Variants in JADE2 observed in about 807,000 individuals in gnomAD.
JADE2 encodes the protein jade family PHD finger 2.
In JADE2, 13 loss-of-function variants were observed where a neutral mutation model predicts 85.7. The ratio of observed to expected loss-of-function variants is 0.15; its 90% confidence interval spans 0.10 to 0.24. The LOEUF is 0.24. JADE2 is among the 10% of genes least tolerant of loss of function. JADE2 has a pLI of 1.00. For synonymous variants in JADE2, 440 were observed against 456.1 expected (o/e 0.96, Z 0.45); for missense variants, 846 against 1,115.9 (o/e 0.76, Z 3.45).
intron 3 of JADE2, among the ~76,000 whole-genome samples, chr5:134,541,177 C>T (rs1404351777): frequency 6.6e-6 from 1 of 152,240 alleles, no homozygotes; most frequent in East Asian, 1.9e-4. Context: ...CCGCCCAGAA[C>T]CCTTGAACTG....
intron 4 of JADE2, 103 bp downstream of exon 4, chr5:134,552,312 C>CTG: frequency 9.8e-7 from 1 of 1,019,408 alleles, no homozygotes; most frequent in African/African-American, 1.6e-5. Flanking sequence ...CCTTTCTAGT[C>CTG]CATCTCTATT....
Position 134,581,597 on chromosome 5 carries a change from C to T in JADE2, c.*2280C>T. On this transcript the variant is annotated 3_prime_UTR_variant, in exon 12 of 12. Transcript: ENST00000681547. The stretch of plus-strand genomic sequence containing the variant: ...GGGAGAGGGTGCAACGAGTCTGGCC[C>T]CTTGCCTCGGGCTGGCTGGTGTTCT... The T allele has an allele frequency of 6.5e-6, 1 of 152,922 alleles. No homozygotes were observed. Among genetic ancestry groups the T allele is most frequent in the Non-Finnish European group, 1.5e-5 (1 of 68,538 alleles). The allele number at this position is 152,922 out of a possible 1,614,324, so 9.5% of individuals were successfully genotyped here. A position where few individuals can be genotyped will look rare whatever the true frequency, so the allele number is the denominator to read the frequency against.
chr5:134,532,832 T>C (rs1052485206), intron 1 of JADE2, among the ~76,000 whole-genome samples: 4 of 152,186 alleles, frequency 2.6e-5, no homozygotes, highest in African/African-American at 9.7e-5. Context: ...CATTAGCCAC[T>C]GTGACAGTGG....
chr5:134,549,728 T>C lies in JADE2; in HGVS notation c.154-2324T>C, dbSNP rs115567774. Among the ~76,000 whole-genome samples, 460 of 152,296 alleles carry C rather than the reference T, an allele frequency of 3.0e-3. 2 individuals carry two copies. The highest frequency in any genetic ancestry group is 0.011 in the African/African-American group (448 of 41,564). On this transcript the variant is annotated intron_variant, in intron 3 of 11. Coordinates refer to ENST00000681547, the MANE Select transcript of JADE2 (RefSeq NM_001388185.1). The stretch of plus-strand genomic sequence containing the variant: ...GGTTTCTAACCCACCTATGCCTCTT[T>C]AGAGGGCACATAGTGACACTGGGCT...
At chr5:134,576,671 G>C in intron 10 of JADE2, 97 bp from the exon 11 acceptor site, 1 of 1,429,062 alleles carries the variant, frequency 7.0e-7, no homozygotes, top group Non-Finnish European at 9.5e-7. Context: ...AGCACTGGCT[G>C]ATGGAGGACT....
In JADE2 at chr5:134,579,164, G is replaced by A. The variant is rs759699654; in HGVS notation, c.2352G>A (p.Lys784=). The change falls in exon 12 of 12, where the codon AAG becomes AAA. Residue 784 remains lysine (K), a synonymous_variant. Coordinates refer to ENST00000681547, the MANE Select transcript of JADE2 (RefSeq NM_001388185.1). The surrounding 1 kb of genome is among the most constrained non-coding windows in gnomAD (Gnocchi z 4.6). ...GPPSAVAERP[K]VSLHFDTETD... The stretch of plus-strand genomic sequence containing the variant: ...CTTCAGCTGTGGCTGAGAGGCCCAA[G>A]GTCAGCCTGCATTTTGACACTGAGA... 3 of 1,614,258 alleles carry A rather than the reference G, an allele frequency of 1.9e-6. No individual in the cohort carries two copies. Among genetic ancestry groups the A allele is most frequent in the Admixed American group, 3.3e-5 (2 of 60,036 alleles).
At chr5:134,527,167 C>T (rs1760899259) in intron 1 of JADE2, among the ~76,000 whole-genome samples, 5 of 152,022 alleles carry the variant, frequency 3.3e-5, no homozygotes, top group Non-Finnish European at 7.4e-5. Context: ...GGCCCCGCCC[C>T]GCCCCCGGCA....
chr5:134,572,026 G>A (rs186412206), intron 9 of JADE2, among the ~76,000 whole-genome samples: 1 of 152,376 alleles, frequency 6.6e-6, no homozygotes, highest in African/African-American at 2.4e-5. Context: ...GGGCCCCAGC[G>A]GCGTTGCTCA....
intron 9 of JADE2, among the ~76,000 whole-genome samples, chr5:134,570,711 GT>G: frequency 6.6e-6 from 1 of 152,178 alleles, no homozygotes; most frequent in South Asian, 2.1e-4. Flanking sequence ...CTCTGACCAG[GT>G]CCCCCCTGAG....
rs780644903 is a variant in JADE2 at position 134,566,252 on chromosome 5, C to A, written c.1106C>A (p.Pro369Gln). 1.9e-6 allele frequency: 3 copies of A among 1,614,036 alleles called. No homozygotes were observed. Among genetic ancestry groups the A allele is most frequent in the Non-Finnish European group, 8.5e-7 (1 of 1,180,048 alleles). The change falls in exon 9 of 12, where the codon CCA becomes CAA. Residue 369 changes from proline (P) to glutamine (Q), a missense_variant. Coordinates refer to ENST00000681547, the MANE Select transcript of JADE2 (RefSeq NM_001388185.1). The surrounding 1 kb of genome is among the most constrained non-coding windows in gnomAD (Gnocchi z 6.7). ...SFCQEHSDGGPRNEPTSEPTE... is the reference protein window; with the variant it reads ...SFCQEHSDGGQRNEPTSEPTE... ...TGCCAGGAGCACAGTGACGGGGGCCCACGTAATGAGCCCACATCTGAGCCC... is the reference window on the plus strand; with the variant it reads ...TGCCAGGAGCACAGTGACGGGGGCCAACGTAATGAGCCCACATCTGAGCCC...
At chr5:134,530,676 C>T (rs1282926973) in intron 1 of JADE2, among the ~76,000 whole-genome samples, 1 of 152,254 alleles carries the variant, frequency 6.6e-6, no homozygotes, top group Non-Finnish European at 1.5e-5. Flanking sequence ...AGGCCAACCA[C>T]TAGTGCTGCC....
chr5:134,540,674 G>A (rs1406183544), intron 3 of JADE2, among the ~76,000 whole-genome samples: 4 of 152,188 alleles, frequency 2.6e-5, no homozygotes, highest in Non-Finnish European at 5.9e-5. Context: ...CCTGTCTTTC[G>A]AGAATCCCAC....
chr5:134,543,883 G>A (rs1762131036), intron 3 of JADE2, among the ~76,000 whole-genome samples: 1 of 152,188 alleles, frequency 6.6e-6, no homozygotes, highest in Admixed American at 6.5e-5. Flanking sequence ...CAACGTCAGG[G>A]AGTGTGGGTG....
Position 134,566,967 on chromosome 5 carries a change from C to T in JADE2, c.1434+387C>T, listed in dbSNP as rs937098831. ...CGCCTGGTCCTAACACATGAGCTTG[C>T]ATTGAGAATCTGAGGCAGAGGAGGA... On this transcript the variant is annotated intron_variant, in intron 9 of 11. Coordinates refer to ENST00000681547, the MANE Select transcript of JADE2 (RefSeq NM_001388185.1). This position sits in a 1 kb window ranked among gnomAD's most constrained non-coding sequence, Gnocchi z 6.7. 1.3e-5 allele frequency among the ~76,000 whole-genome samples: 2 copies of T among 152,212 alleles called. No homozygotes were observed. Among genetic ancestry groups the T allele is most frequent in the African/African-American group, 4.8e-5 (2 of 41,454 alleles).
intron 1 of JADE2, among the ~76,000 whole-genome samples, chr5:134,531,486 G>A (rs945091391): frequency 3.3e-5 from 5 of 151,890 alleles, no homozygotes; most frequent in Admixed American, 6.6e-5. Context: ...TGTGTTGCCC[G>A]GGCTTGCCTT....
At position 134,562,488 on chromosome 5, in the gene JADE2, A is replaced by C; in HGVS notation, c.852+121A>C. 9.5e-7 allele frequency: 1 copy of C among 1,050,862 alleles called. No homozygotes were observed. Among genetic ancestry groups the C allele is most frequent in the Non-Finnish European group, 1.4e-6 (1 of 736,404 alleles). 65.1% of individuals were successfully genotyped at this position (1,050,862 alleles called of 1,614,324 possible). On this transcript the variant is annotated intron_variant, in intron 7 of 11. Transcript: ENST00000681547. This position sits in a 1 kb window ranked among gnomAD's most constrained non-coding sequence, Gnocchi z 4.6. ...GATGGACTCGCACTAAAACACTGAG[A>C]TCGGCCGGGCGCGGTGGCTCACGCC...
chr5:134,563,402 G>A (rs976868539), intron 7 of JADE2, among the ~76,000 whole-genome samples: 1 of 152,210 alleles, frequency 6.6e-6, no homozygotes, highest in Admixed American at 6.5e-5. Context: ...AGGATGGTGG[G>A]GTGGGTGTGT....
chr5:134,549,413 C>T (rs1203042896), intron 3 of JADE2, among the ~76,000 whole-genome samples: 1 of 152,196 alleles, frequency 6.6e-6, no homozygotes, highest in African/African-American at 2.4e-5. Flanking sequence ...GTGATCCCAG[C>T]ACTTTGGGAG....
At chr5:134,557,203 TATG>T (rs61168581) in intron 4 of JADE2, among the ~76,000 whole-genome samples, 2,496 of 150,652 alleles carry the variant, frequency 0.017, 68 homozygotes, top group African/African-American at 0.051. Flanking sequence ...TTGTTGTTAT[TATG>T]ATGATGATGA....
Sources: gnomAD v4.1 joint callset for allele counts (sites outside exome capture counted in the v4.1 genomes callset) on GRCh38, gnomAD v4.1.1 for gene constraint, Gnocchi (gnomAD v3.1) non-coding constraint, MANE v1.5 for transcripts, NCBI Gene and HGNC (gene_info 2026-07-23, HGNC 2026-07-21) for gene names.